TSPAN9: variants seen among roughly 807,000 people sequenced by gnomAD.
TSPAN9 encodes tetraspanin 9, also known as tetraspanin-9.
TSPAN9 carries 16 observed loss-of-function variants against 31.0 expected under a neutral mutation model. The ratio of observed to expected loss-of-function variants is 0.52; its 90% CI spans 0.35 to 0.78. The LOEUF (loss-of-function observed/expected upper bound fraction) is 0.78, where lower values mean the gene tolerates loss of function less well. Ranked by LOEUF, TSPAN9 falls within the 30% of genes least tolerant of loss-of-function variation. The pLI, the probability that TSPAN9 is intolerant of heterozygous loss-of-function variation, is 0.01. For missense variants in TSPAN9, 272 were observed against 312.5 expected (o/e 0.87, Z 0.98); for synonymous variants, 145 against 121.6 (o/e 1.19, Z -1.27).
At chr12:3,282,449 G>A (rs1426479095) in intron 8 of TSPAN9, among the ~76,000 whole-genome samples, 1 of 152,090 alleles carries the variant, frequency 6.6e-6, no homozygotes, top group Non-Finnish European at 1.5e-5. Flanking sequence ...GCTGGAGTGC[G>A]GTGGCGCCGT....
intron 3 of TSPAN9, among the ~76,000 whole-genome samples, chr12:3,270,961 C>A (rs1273830283): frequency 1.3e-5 from 2 of 152,226 alleles, no homozygotes; most frequent in Non-Finnish European, 2.9e-5. Flanking sequence ...GGCTTGCAGC[C>A]CCCAAACACG....
In TSPAN9 at chr12:3,082,413, C is replaced by T. The variant is rs529857607; in HGVS notation, c.-84-1240C>T. ...TGTATTGTGTGTGGCCTTCAAATCACCAGCCAAGAACTTTATCTGTCCATT... is the reference window on the plus strand; with the variant it reads ...TGTATTGTGTGTGGCCTTCAAATCATCAGCCAAGAACTTTATCTGTCCATT... On this transcript the variant is annotated intron_variant, in intron 1 of 8. Coordinates refer to ENST00000011898, the MANE Select transcript of TSPAN9 (RefSeq NM_006675.5). 3.9e-5 allele frequency among the ~76,000 whole-genome samples: 6 copies of T among 152,298 alleles called. No homozygotes were observed. In the East Asian group the frequency reaches 1.2e-3, roughly 29 times the overall value.
chr12:3,090,148 CA>C (rs2098303496), intron 2 of TSPAN9, among the ~76,000 whole-genome samples: 1 of 152,196 alleles, frequency 6.6e-6, no homozygotes, highest in African/African-American at 2.4e-5. Context: ...GAATTGAATT[CA>C]ACTTACTGTT....
At chr12:3,232,271 GT>G (rs61523742) in intron 3 of TSPAN9, among the ~76,000 whole-genome samples, 12,293 of 146,534 alleles carry the variant, frequency 0.084, 639 homozygotes, top group Non-Finnish European at 0.11. Context: ...CTTCTGTTAT[GT>G]TTTTTTTTTT....
chr12:3,163,825 C>T (rs942552244), intron 2 of TSPAN9, among the ~76,000 whole-genome samples: 2 of 152,234 alleles, frequency 1.3e-5, no homozygotes, highest in Admixed American at 1.3e-4. Context: ...ATCCCTTGCT[C>T]TGCCCTGGAG....
chr12:3,283,125 G>C lies in TSPAN9; in HGVS notation c.*9G>C, dbSNP rs1385585988. Reference sequence around the variant, plus strand: ...AGAAGTACGACGCATGAGCGGGCTGGCCGGGAGTGCCCACCCCGCCCTGCT... The same window carrying C: ...AGAAGTACGACGCATGAGCGGGCTGCCCGGGAGTGCCCACCCCGCCCTGCT... On this transcript the variant is annotated 3_prime_UTR_variant, in exon 9 of 9. Transcript: ENST00000011898. The C allele has an allele frequency of 6.2e-7, 1 of 1,606,746 alleles. No homozygotes were observed. Among genetic ancestry groups the C allele is most frequent in the Non-Finnish European group, 8.5e-7 (1 of 1,179,802 alleles).
At chr12:3,278,955 A>G (rs762474852) in intron 4 of TSPAN9, 37 bp from the exon 5 acceptor site, 4 of 1,608,738 alleles carry the variant, frequency 2.5e-6, no homozygotes, top group Non-Finnish European at 3.4e-6. Flanking sequence ...AGCCCTGCCC[A>G]TTACCACCTA....
intron 3 of TSPAN9, among the ~76,000 whole-genome samples, chr12:3,208,806 C>T (rs1233969771): frequency 6.6e-6 from 1 of 152,242 alleles, no homozygotes; most frequent in Non-Finnish European, 1.5e-5. Flanking sequence ...CCAGCTTCTG[C>T]CTGAGAGAGC....
chr12:3,209,809 A>C (rs1353446203), intron 3 of TSPAN9, among the ~76,000 whole-genome samples: 1 of 151,352 alleles, frequency 6.6e-6, no homozygotes, highest in African/African-American at 2.4e-5. Flanking sequence ...AATACAAAAA[A>C]TTAGCCGGGC....
intron 2 of TSPAN9, chr12:3,173,081 A>G (rs1341679398): frequency 1.3e-5 from 2 of 152,278 alleles, no homozygotes; most frequent in Non-Finnish European, 2.9e-5. Context: ...AGTCTCTCCA[A>G]GCTGTCCTTT....
chr12:3,124,526 G>A (rs572897218), intron 2 of TSPAN9, among the ~76,000 whole-genome samples: 2 of 151,730 alleles, frequency 1.3e-5, no homozygotes, highest in South Asian at 2.1e-4. Flanking sequence ...TCCTGCCTCA[G>A]CCTCCTGAGT....
chr12:3,188,732 C>A (rs767843144), intron 2 of TSPAN9, among the ~76,000 whole-genome samples: 1 of 152,084 alleles, frequency 6.6e-6, no homozygotes, highest in Non-Finnish European at 1.5e-5. Context: ...GACATCTGAG[C>A]CCCCCGGTGG....
chr12:3,232,043 A>G (rs2098391025), intron 3 of TSPAN9, among the ~76,000 whole-genome samples: 1 of 152,220 alleles, frequency 6.6e-6, no homozygotes, highest in Non-Finnish European at 1.5e-5. Context: ...GGCCTCTTCC[A>G]GAGGTCCCTT....
chr12:3,156,309 G>A (rs1192962174), intron 2 of TSPAN9, among the ~76,000 whole-genome samples: 1 of 152,110 alleles, frequency 6.6e-6, no homozygotes, highest in African/African-American at 2.4e-5. Flanking sequence ...CCAGTGCTGG[G>A]CCTTTTGCTT....
chr12:3,268,183 C>CAGCCTGCCCTCTCTGT, intron 3 of TSPAN9, among the ~76,000 whole-genome samples: 1 of 130,856 alleles, frequency 7.6e-6, no homozygotes, highest in East Asian at 2.6e-4. Flanking sequence ...ACCCTCCGTG[C>CAGCCTGCCCTCTCTGT]GTTCCTGCAG....
chr12:3,238,016 A>T (rs1159360487), intron 3 of TSPAN9, among the ~76,000 whole-genome samples: 1 of 151,844 alleles, frequency 6.6e-6, no homozygotes, highest in African/African-American at 2.4e-5. Context: ...CTCATTGTGG[A>T]TCCTTCTCTA....
intron 2 of TSPAN9, among the ~76,000 whole-genome samples, chr12:3,114,083 A>G (rs994620983): frequency 6.6e-6 from 1 of 152,214 alleles, no homozygotes; most frequent in South Asian, 2.1e-4. Context: ...TCTGACATCT[A>G]GCTCTGTGAT....
intron 2 of TSPAN9, among the ~76,000 whole-genome samples, chr12:3,141,531 G>A (rs528885939): frequency 2.6e-5 from 4 of 152,224 alleles, no homozygotes; most frequent in African/African-American, 4.8e-5. Flanking sequence ...TGAGGAGGCC[G>A]TGCGTGACCC....
At chr12:3,158,584 T>C (rs2153969233) in intron 2 of TSPAN9, among the ~76,000 whole-genome samples, 1 of 152,166 alleles carries the variant, frequency 6.6e-6, no homozygotes, top group African/African-American at 2.4e-5. Flanking sequence ...TAGCTGGGCA[T>C]GGTGGCGCAC....
Sources: allele counts gnomAD v4.1 joint callset (sites outside exome capture counted in the v4.1 genomes callset), GRCh38; gene constraint gnomAD v4.1.1; transcripts MANE v1.5; gene names NCBI Gene and HGNC (gene_info 2026-07-23, HGNC 2026-07-21).